The following PTPDC1 variants were observed in gnomAD, a reference collection of about 807,000 sequenced individuals.
The protein encoded by PTPDC1 is protein tyrosine phosphatase domain containing 1.
A neutral mutation model predicts 75.3 loss-of-function variants in PTPDC1; 53 were observed. The observed-to-expected ratio is 0.70, with a 90% CI of 0.56 to 0.88. The LOEUF (loss-of-function observed/expected upper bound fraction) is 0.88, where lower values mean the gene tolerates loss of function less well. PTPDC1 is among the 40% of genes least tolerant of loss of function. PTPDC1 has a pLI of 0.00. For missense variants in PTPDC1, 925 were observed against 998.6 expected (o/e 0.93, Z 0.99); for synonymous variants, 349 against 366.2 (o/e 0.95, Z 0.54).
intron 1 of PTPDC1, among the ~76,000 whole-genome samples, chr9:94,040,548 T>C (rs1401378247): frequency 6.6e-6 from 1 of 152,136 alleles, no homozygotes; most frequent in Non-Finnish European, 1.5e-5. Flanking sequence ...AACTAATTTT[T>C]AAAGTTTGTT....
intron 1 of PTPDC1, among the ~76,000 whole-genome samples, chr9:94,051,515 G>C (rs1181716145): frequency 6.6e-6 from 1 of 152,170 alleles, no homozygotes; most frequent in African/African-American, 2.4e-5. Flanking sequence ...TACTTTCTGG[G>C]AGAGATTATA....
At chr9:94,095,033 G>A (rs776012769) in intron 4 of PTPDC1, among the ~76,000 whole-genome samples, 4 of 152,220 alleles carry the variant, frequency 2.6e-5, no homozygotes, top group Admixed American at 2.0e-4. Context: ...GAAATCACCC[G>A]TCTTCTGCGT....
intron 7 of PTPDC1, among the ~76,000 whole-genome samples, chr9:94,102,874 G>C (rs762653326): frequency 3.3e-5 from 5 of 152,138 alleles, no homozygotes; most frequent in Non-Finnish European, 5.9e-5. Context: ...CACCATGCCA[G>C]GCCTGTTTTT....
intron 1 of PTPDC1, among the ~76,000 whole-genome samples, chr9:94,039,357 A>T (rs1825364266): frequency 6.6e-6 from 1 of 152,202 alleles, no homozygotes; most frequent in African/African-American, 2.4e-5. Flanking sequence ...TATTAAAAAC[A>T]ATGGTAGGAA....
At chr9:94,085,691 A>T (rs1827048191) in intron 2 of PTPDC1, among the ~76,000 whole-genome samples, 1 of 152,226 alleles carries the variant, frequency 6.6e-6, no homozygotes, top group South Asian at 2.1e-4. Flanking sequence ...GAAGAAATGG[A>T]TAATTAGATA....
chr9:94,034,927 C>A (rs1209055905), intron 1 of PTPDC1, among the ~76,000 whole-genome samples: 1 of 152,106 alleles, frequency 6.6e-6, no homozygotes, highest in Non-Finnish European at 1.5e-5. Context: ...TTAATATATT[C>A]ATCACCTCAC....
intron 1 of PTPDC1, among the ~76,000 whole-genome samples, chr9:94,061,475 A>G (rs1240137107): frequency 6.6e-6 from 1 of 152,194 alleles, no homozygotes; most frequent in African/African-American, 2.4e-5. Flanking sequence ...GTCCAACCCC[A>G]CATTTCCCCT....
Position 94,098,033 on chromosome 9 carries a change from C to T in PTPDC1, c.1467C>T (p.Ile489=). Reference sequence around the variant, plus strand: ...AGAAGCTCATAAGCCATTGTTACATCCCACAGTCTCCAGAACCAGACTTAC... The same window carrying T: ...AGAAGCTCATAAGCCATTGTTACATTCCACAGTCTCCAGAACCAGACTTAC... ...RQQKLISHCY[I]PQSPEPDLHK... is the part of the protein sequence containing the mutation. Residue 489 remains isoleucine, a synonymous_variant, in exon 6 of 9, where the codon ATC becomes ATT. Transcript: ENST00000620992. 1.2e-6 allele frequency: 2 copies of T among 1,614,192 alleles called. No individual in the cohort carries two copies. The highest frequency in any genetic ancestry group is 2.2e-5 in the South Asian group (2 of 91,076).
chr9:94,036,033 T>TC (rs1247111021), intron 1 of PTPDC1, among the ~76,000 whole-genome samples: 7 of 143,354 alleles, frequency 4.9e-5, no homozygotes, highest in African/African-American at 1.8e-4. Context: ...GTTTTTTTTT[T>TC]TGTTTTTTTT....
chr9:94,072,411 C>A (rs923217945), intron 2 of PTPDC1, among the ~76,000 whole-genome samples: 1 of 152,156 alleles, frequency 6.6e-6, no homozygotes, highest in South Asian at 2.1e-4. Context: ...TTGCTGAACT[C>A]ACTTTCCATT....
Position 94,107,985 on chromosome 9 carries a change from T to TA in PTPDC1, c.*42dup. 3 of 1,209,226 alleles carry TA rather than the reference T, an allele frequency of 2.5e-6. No individual in the cohort carries two copies. The highest frequency in any genetic ancestry group is 3.5e-6 in the Non-Finnish European group (3 of 860,046). The allele number at this position is 1,209,226 out of a possible 1,614,324, so 74.9% of individuals were successfully genotyped here. A position where few individuals can be genotyped will look rare whatever the true frequency, so the allele number is the denominator to read the frequency against. ...AATATTTCAGACCTAAAGATCCAGATAGTATCTCTGTTCATATGTGAATAA... is the reference window on the plus strand; with the variant it reads ...AATATTTCAGACCTAAAGATCCAGATAAGTATCTCTGTTCATATGTGAATAA... On this transcript the variant is annotated 3_prime_UTR_variant, in exon 9 of 9. Transcript: ENST00000620992.
Position 94,084,529 on chromosome 9 carries a change from C to T in PTPDC1, c.-2C>T. On this transcript the variant is annotated 5_prime_UTR_variant, in exon 1 of 9. Coordinates refer to ENST00000620992, the MANE Select transcript of PTPDC1 (RefSeq NM_001253829.2). ...TGCCTCCGGCTCTTGCCTCCCAGTG[C>T]CATGCAGGTGCAGGATGCAACCAGG... 6.2e-7 allele frequency: 1 copy of T among 1,610,360 alleles called. No homozygotes were observed. Among genetic ancestry groups the T allele is most frequent in the Non-Finnish European group, 8.5e-7 (1 of 1,179,950 alleles).
At chr9:94,036,915 C>T (rs1453944185) in intron 1 of PTPDC1, among the ~76,000 whole-genome samples, 1 of 152,184 alleles carries the variant, frequency 6.6e-6, no homozygotes, top group Non-Finnish European at 1.5e-5. Flanking sequence ...GCAATCTACC[C>T]TTCAAAAGGA....
chr9:94,051,014 G>T (rs147817847), intron 1 of PTPDC1, among the ~76,000 whole-genome samples: 233 of 152,342 alleles, frequency 1.5e-3, no homozygotes, highest in African/African-American at 4.0e-3. Context: ...CTCCAAGCCA[G>T]GTGCGGGATA....
At chr9:94,037,988 G>T (rs1825322440) in intron 1 of PTPDC1, 2 of 318,252 alleles carry the variant, frequency 6.3e-6, no homozygotes, top group South Asian at 3.4e-5. Context: ...CCGGCTTCGG[G>T]GTAGGAACCT....
At chr9:94,100,448 A>G (rs1827797734) in intron 6 of PTPDC1, 2 of 152,236 alleles carry the variant, frequency 1.3e-5, no homozygotes, top group South Asian at 2.1e-4. Context: ...TGTGAATAAC[A>G]AAGTATTGGT....
intron 1 of PTPDC1, among the ~76,000 whole-genome samples, chr9:94,043,565 C>T (rs1008769611): frequency 1.3e-5 from 2 of 152,024 alleles, no homozygotes; most frequent in South Asian, 2.1e-4. Context: ...ACAAAAAATA[C>T]AATAAATGAG....
chr9:94,088,372 T>G, intron 4 of PTPDC1, 109 bp downstream of exon 4: 1 of 1,305,254 alleles, frequency 7.7e-7, no homozygotes, highest in Non-Finnish European at 1.0e-6. Flanking sequence ...ACCTTCTGCA[T>G]CATAGTAAGG....
chr9:94,097,404 A>G lies in PTPDC1; in HGVS notation c.838A>G (p.Asn280Asp). Residue 280 changes from asparagine to aspartate, a missense_variant, in exon 6 of 9, where the codon AAT (asparagine) becomes GAT (aspartate). Transcript: ENST00000620992. Reference sequence around the variant, plus strand: ...TATATTTGTGCGGGCAAAGCGACCCAATTCCATACAAACCAGAGGACAGCT... The same window carrying G: ...TATATTTGTGCGGGCAAAGCGACCCGATTCCATACAAACCAGAGGACAGCT... The part of the protein sequence containing the change: ...AIIFVRAKRP[N>D]SIQTRGQLLC... 3 of 1,614,186 alleles carry G rather than the reference A, an allele frequency of 1.9e-6. No homozygotes were observed. Among genetic ancestry groups the G allele is most frequent in the Non-Finnish European group, 2.5e-6 (3 of 1,180,032 alleles).
Sources: gnomAD v4.1 joint callset for allele counts (sites outside exome capture counted in the v4.1 genomes callset) on GRCh38, gnomAD v4.1.1 for gene constraint, MANE v1.5 for transcripts, NCBI Gene and HGNC (gene_info 2026-07-23, HGNC 2026-07-21) for gene names.